GMDS: variants seen among roughly 807,000 people sequenced by gnomAD.
The protein encoded by GMDS is GDP-mannose 4,6-dehydratase.
Under a neutral mutation model 49.9 loss-of-function variants are expected in GMDS, and 20 were observed. The ratio of observed to expected loss-of-function variants is 0.40; its 90% CI spans 0.28 to 0.58. The LOEUF is 0.58. Among genes scored for constraint, GMDS ranks in the 20% least tolerant of loss-of-function variants. GMDS has a pLI of 0.42. For synonymous variants in GMDS, 177 were observed against 178.6 expected, an observed-to-expected ratio of 0.99 and a Z score of 0.07; for missense variants, 362 against 481.4, an observed-to-expected ratio of 0.75 and a Z score of 2.32.
intron 1 of GMDS, among the ~76,000 whole-genome samples, chr6:2,129,297 C>G (rs1467693231): frequency 2.0e-5 from 3 of 152,120 alleles, no homozygotes; most frequent in East Asian, 1.9e-4. Flanking sequence ...CACCTATGTA[C>G]GAGGGCAAGC....
At chr6:1,881,829 A>T (rs1028354768) in intron 7 of GMDS, among the ~76,000 whole-genome samples, 3 of 152,230 alleles carry the variant, frequency 2.0e-5, no homozygotes, top group African/African-American at 7.2e-5. Flanking sequence ...ACATCACTCA[A>T]GATCTGGCAA....
At chr6:1,937,504 G>A (rs1183055799) in intron 6 of GMDS, among the ~76,000 whole-genome samples, 4 of 152,198 alleles carry the variant, frequency 2.6e-5, no homozygotes, top group Admixed American at 2.0e-4. Context: ...CAGCTCTGGA[G>A]GCTTGAAGGT....
At chr6:2,031,897 T>A (rs1380929560) in intron 4 of GMDS, among the ~76,000 whole-genome samples, 1 of 152,230 alleles carries the variant, frequency 6.6e-6, no homozygotes, top group Non-Finnish European at 1.5e-5. Flanking sequence ...CCTCTATAGT[T>A]TTAAAAGTTT....
intron 4 of GMDS, among the ~76,000 whole-genome samples, chr6:1,997,385 G>A (rs948224966): frequency 4.0e-5 from 6 of 151,782 alleles, no homozygotes; most frequent in African/African-American, 1.2e-4. Flanking sequence ...GCACACGCCT[G>A]TAGTCCCAGC....
rs1355954105 is a variant in GMDS at position 1,885,962 on chromosome 6, C to T, written c.771+44141G>A. On this transcript the variant is annotated intron_variant, in intron 7 of 10. Transcript: ENST00000380815. Reference sequence around the variant, plus strand: ...CTCTGATTACTGCTGTCTGTAGAAACGTGAAGGGCAGGGTAAAGTAAAGTG... The same window carrying T: ...CTCTGATTACTGCTGTCTGTAGAAATGTGAAGGGCAGGGTAAAGTAAAGTG... Among the ~76,000 whole-genome samples the T allele has an allele frequency of 4.6e-5, 7 of 152,230 alleles. No homozygotes were observed. The East Asian group carries it at 5.8e-4, about 13-fold the overall frequency.
chr6:2,035,409 G>T (rs1178604550), intron 4 of GMDS, among the ~76,000 whole-genome samples: 5 of 152,074 alleles, frequency 3.3e-5, no homozygotes, highest in African/African-American at 1.2e-4. Flanking sequence ...ATGATATCAG[G>T]ATATGTCTTC....
intron 7 of GMDS, among the ~76,000 whole-genome samples, chr6:1,824,878 T>C (rs1331207653): frequency 6.6e-6 from 1 of 152,212 alleles, no homozygotes; most frequent in Non-Finnish European, 1.5e-5. Flanking sequence ...TGTGGTACCA[T>C]ACGTTTGTTG....
At chr6:2,244,786 G>T (rs78273126) in intron 1 of GMDS, among the ~76,000 whole-genome samples, 39 of 152,144 alleles carry the variant, frequency 2.6e-4, no homozygotes, top group African/African-American at 9.2e-4. Context: ...CCTAGTAGGT[G>T]ACTCCACAGC....
intron 1 of GMDS, among the ~76,000 whole-genome samples, chr6:2,145,381 T>C (rs920062867): frequency 6.6e-6 from 1 of 151,400 alleles, no homozygotes; most frequent in Non-Finnish European, 1.5e-5. Context: ...CTAAAAAAAA[T>C]ATAAAAATTA....
At chr6:2,117,433 T>C (rs1390015306) in intron 3 of GMDS, 36 bp downstream of exon 3, 6 of 1,197,294 alleles carry the variant, frequency 5.0e-6, no homozygotes, top group African/African-American at 1.5e-5. Context: ...GAAAACACCT[T>C]ATAGAAAGAG....
At chr6:2,147,307 C>G (rs1185331895) in intron 1 of GMDS, among the ~76,000 whole-genome samples, 2 of 152,166 alleles carry the variant, frequency 1.3e-5, no homozygotes, top group African/African-American at 4.8e-5. Flanking sequence ...ATTTAAACCT[C>G]TGACACAGCA....
Position 1,766,456 on chromosome 6 carries a change from TG to T in GMDS, c.772-23871del, listed in dbSNP as rs1458119945. 6.6e-6 allele frequency among the ~76,000 whole-genome samples: 1 copy of T among 152,186 alleles called. No homozygotes were observed. Among genetic ancestry groups the T allele is most frequent in the Non-Finnish European group, 1.5e-5 (1 of 68,022 alleles). On this transcript the variant is annotated intron_variant, in intron 7 of 10. Transcript: ENST00000380815. This position sits in a 1 kb window ranked among gnomAD's most constrained non-coding sequence, Gnocchi z 4.5. ...GAGAAAAGCATCTTGAGAATCCTAA[TG>T]GGAACCAATGAAGAAATGAGTATCA...
chr6:1,721,969 A>G (rs4959150), intron 9 of GMDS, among the ~76,000 whole-genome samples: 126,959 of 151,566 alleles, frequency 0.84, 53,641 homozygotes, highest in East Asian at 1. Flanking sequence ...AGTATGTTTC[A>G]TTATCCATTT....
At chr6:1,782,928 AG>A (rs1336765712) in intron 7 of GMDS, among the ~76,000 whole-genome samples, 1 of 152,104 alleles carries the variant, frequency 6.6e-6, no homozygotes, top group African/African-American at 2.4e-5. Flanking sequence ...CTGAGGTGGG[AG>A]GATTGCTTGA....
At chr6:2,234,780 A>G (rs1467258445) in intron 1 of GMDS, among the ~76,000 whole-genome samples, 3 of 152,312 alleles carry the variant, frequency 2.0e-5, no homozygotes, top group Non-Finnish European at 4.4e-5. Context: ...ATCAGGTACA[A>G]TTTTAAAGCA....
chr6:1,694,533 CA>C (rs1259295285), intron 9 of GMDS, among the ~76,000 whole-genome samples: 2 of 152,060 alleles, frequency 1.3e-5, no homozygotes, highest in Admixed American at 1.3e-4. Context: ...ATATGCTTGT[CA>C]AAAAAATCAG....
chr6:1,815,783 CAG>C, intron 7 of GMDS, among the ~76,000 whole-genome samples: 1 of 152,314 alleles, frequency 6.6e-6, no homozygotes, highest in African/African-American at 2.4e-5. Context: ...ACACATTCTA[CAG>C]AGAGCGTGCT....
intron 9 of GMDS, among the ~76,000 whole-genome samples, chr6:1,665,674 G>A (rs778492850): frequency 4.4e-4 from 67 of 152,268 alleles, no homozygotes; most frequent in Non-Finnish European, 7.4e-4. Flanking sequence ...ACCAGAGCAG[G>A]AGGCCTCCTT....
intron 7 of GMDS, among the ~76,000 whole-genome samples, chr6:1,866,041 G>A (rs1166983565): frequency 6.6e-6 from 1 of 152,184 alleles, no homozygotes; most frequent in Admixed American, 6.5e-5. Flanking sequence ...TCTGATTCAT[G>A]TGGGATTTGG....
Sources: gnomAD v4.1 joint callset for allele counts (sites outside exome capture counted in the v4.1 genomes callset) on GRCh38, gnomAD v4.1.1 for gene constraint, Gnocchi (gnomAD v3.1) non-coding constraint, MANE v1.5 for transcripts, NCBI Gene and HGNC (gene_info 2026-07-23, HGNC 2026-07-21) for gene names.